The following HMCN1 variants were observed in gnomAD, a reference collection of about 807,000 sequenced individuals.
The protein encoded by HMCN1 is hemicentin-1.
In HMCN1, 321 loss-of-function variants were observed where a neutral mutation model predicts 625.9. The observed-to-expected ratio is 0.51, with a 90% CI of 0.47 to 0.56. The LOEUF (loss-of-function observed/expected upper bound fraction) is 0.56, where lower values mean the gene tolerates loss of function less well. Ranked by LOEUF, HMCN1 falls within the 20% of genes least tolerant of loss-of-function variation. The pLI is 0.00. For missense variants in HMCN1, 6,588 were observed against 6,887.3 expected (o/e 0.96, Z 1.54); for synonymous variants, 2,425 against 2,417.6 (o/e 1.00, Z -0.09).
At chr1:185,812,941 T>C (rs184129267) in intron 1 of HMCN1, among the ~76,000 whole-genome samples, 5 of 152,296 alleles carry the variant, frequency 3.3e-5, no homozygotes, top group African/African-American at 1.2e-4. Context: ...ATAACTATTA[T>C]AAGTTTTCTC....
At chr1:185,902,413 ATC>A (rs1452987915) in intron 4 of HMCN1, among the ~76,000 whole-genome samples, 5 of 127,882 alleles carry the variant, frequency 3.9e-5, no homozygotes, top group Non-Finnish European at 4.6e-5. Flanking sequence ...ATCTCTATCT[ATC>A]TATCTATCTA....
chr1:185,969,152 A>G (rs1239600003), intron 14 of HMCN1, among the ~76,000 whole-genome samples: 1 of 152,172 alleles, frequency 6.6e-6, no homozygotes, highest in African/African-American at 2.4e-5. Flanking sequence ...GTCAGATTGC[A>G]TCCTCCTGTG....
intron 68 of HMCN1, among the ~76,000 whole-genome samples, chr1:186,096,558 G>A (rs989523066): frequency 7.9e-5 from 12 of 152,168 alleles, no homozygotes; most frequent in Admixed American, 2.6e-4. Context: ...AATGGAGGCC[G>A]GTAGTAAAGG....
At position 185,989,206 on chromosome 1, in the gene HMCN1, A is replaced by ACC. The variant is rs1300955301; in HGVS notation, c.3049-281_3049-280dup. On this transcript the variant is annotated intron_variant, in intron 20 of 106. Transcript: ENST00000271588. Reference sequence around the variant, plus strand: ...GTGTTTTTAGTAGGGACGGGGTTTCACCGTGGTCTCGATCTCCTGACCTTG... The same window carrying ACC: ...GTGTTTTTAGTAGGGACGGGGTTTCACCCCGTGGTCTCGATCTCCTGACCTTG... Among the ~76,000 whole-genome samples, 63 of 151,760 alleles carry ACC rather than the reference A, an allele frequency of 4.2e-4. No homozygotes were observed. The East Asian group carries it at 0.012, about 29-fold the overall frequency.
In HMCN1 at chr1:185,735,740, G is replaced by T. The variant is rs528866313; in HGVS notation, c.268+693G>T. Among the ~76,000 whole-genome samples the T allele has an allele frequency of 1.5e-4, 23 of 152,298 alleles. No homozygotes were observed. The South Asian group carries it at 4.8e-3, about 32-fold the overall frequency. ...GAAATAACTTCATTTTTGCCCTAAA[G>T]CCGTAGGTTTCAGCAGCTCCACTGT... On this transcript the variant is annotated intron_variant, in intron 1 of 106. Coordinates refer to ENST00000271588, the MANE Select transcript of HMCN1 (RefSeq NM_031935.3).
At chr1:186,137,761 T>C (rs760076268) in intron 88 of HMCN1, 41 bp from the exon 89 acceptor site, 26 of 1,613,956 alleles carry the variant, frequency 1.6e-5, no homozygotes, top group African/African-American at 2.7e-5. Context: ...GTATTCCCAA[T>C]TGAAATATAC....
chr1:186,128,410 G>A (rs775826608), intron 83 of HMCN1, 119 bp downstream of exon 83: 3 of 802,396 alleles, frequency 3.7e-6, no homozygotes, highest in Non-Finnish European at 6.2e-6. Context: ...TTTAAATGCT[G>A]TAAAATGTGT....
At chr1:185,739,790 T>C (rs891948841) in intron 1 of HMCN1, among the ~76,000 whole-genome samples, 1 of 152,092 alleles carries the variant, frequency 6.6e-6, no homozygotes. Context: ...TTTTTGATGA[T>C]GATAATTGGT....
At chr1:186,134,156 A>G (rs1337685162) in intron 86 of HMCN1, among the ~76,000 whole-genome samples, 1 of 152,156 alleles carries the variant, frequency 6.6e-6, no homozygotes, top group African/African-American at 2.4e-5. Context: ...GGATTAAAGT[A>G]CCAGAAGCGA....
At chr1:185,904,757 T>A (rs918032657) in intron 4 of HMCN1, among the ~76,000 whole-genome samples, 1 of 151,826 alleles carries the variant, frequency 6.6e-6, no homozygotes, top group African/African-American at 2.4e-5. Context: ...ATGGCAGTTG[T>A]GAAGATCAAT....
intron 6 of HMCN1, among the ~76,000 whole-genome samples, chr1:185,918,244 G>A (rs150635711): frequency 1.3e-5 from 2 of 152,212 alleles, no homozygotes; most frequent in East Asian, 1.9e-4. Flanking sequence ...CCAAAGGCCC[G>A]AGAGCCCCTG....
intron 11 of HMCN1, among the ~76,000 whole-genome samples, chr1:185,948,360 G>A (rs1004004858): frequency 1.3e-5 from 2 of 151,804 alleles, no homozygotes; most frequent in African/African-American, 4.8e-5. Context: ...GTGCAGGTGG[G>A]CTGAGTCCGA....
chr1:185,989,230 T>G (rs1268264930), intron 20 of HMCN1, among the ~76,000 whole-genome samples: 7 of 151,970 alleles, frequency 4.6e-5, no homozygotes, highest in Non-Finnish European at 1.0e-4. Flanking sequence ...CTCCTGACCT[T>G]GTGATCTGCC....
intron 10 of HMCN1, among the ~76,000 whole-genome samples, chr1:185,928,868 C>T (rs1257059719): frequency 6.6e-6 from 1 of 152,094 alleles, no homozygotes; most frequent in Non-Finnish European, 1.5e-5. Context: ...TGTTTAAGAA[C>T]TCAATGCCTT....
intron 4 of HMCN1, among the ~76,000 whole-genome samples, chr1:185,900,118 G>A (rs1322487726): frequency 6.6e-6 from 1 of 151,694 alleles, no homozygotes; most frequent in Admixed American, 6.6e-5. Flanking sequence ...CAGGCATCTG[G>A]ATTACCTTTT....
intron 4 of HMCN1, among the ~76,000 whole-genome samples, chr1:185,905,129 G>C (rs1327349730): frequency 6.6e-6 from 1 of 151,836 alleles, no homozygotes; most frequent in Non-Finnish European, 1.5e-5. Context: ...AAAATTCAGT[G>C]CTGAGAAAGG....
At chr1:185,806,892 G>C (rs372868585) in intron 1 of HMCN1, among the ~76,000 whole-genome samples, 1 of 151,980 alleles carries the variant, frequency 6.6e-6, no homozygotes. Context: ...GTTATGAAAG[G>C]CTTTCCATCC....
chr1:186,147,351 C>A (rs1650375950), intron 93 of HMCN1, among the ~76,000 whole-genome samples: 1 of 151,122 alleles, frequency 6.6e-6, no homozygotes, highest in African/African-American at 2.4e-5. Flanking sequence ...GTTTTTCTCC[C>A]CAATTCAGAC....
intron 101 of HMCN1, 21 bp downstream of exon 101, chr1:186,171,471 T>G (rs747095459): frequency 1.3e-6 from 2 of 1,529,498 alleles, no homozygotes; most frequent in Non-Finnish European, 1.8e-6. Context: ...GGCTTTGAAT[T>G]TAAAGGAATG....
Sources: gnomAD v4.1 joint callset for allele counts (sites outside exome capture counted in the v4.1 genomes callset) on GRCh38, gnomAD v4.1.1 for gene constraint, MANE v1.5 for transcripts, NCBI Gene and HGNC (gene_info 2026-07-23, HGNC 2026-07-21) for gene names.